SDHA: variants seen among roughly 807,000 people sequenced by gnomAD.
SDHA encodes the protein succinate dehydrogenase [ubiquinone] flavoprotein subunit, mitochondrial.
In SDHA, 48 loss-of-function variants were observed where a neutral mutation model predicts 78.4. That is an observed-to-expected ratio of 0.61 (90% CI 0.49 to 0.78). SDHA has a LOEUF of 0.78. Ranked by LOEUF, SDHA falls within the 30% of genes least tolerant of loss-of-function variation. The pLI is 0.00. For synonymous variants in SDHA, 326 were observed against 353.9 expected, an observed-to-expected ratio of 0.92 and a Z score of 0.88; for missense variants, 680 against 892.7, an observed-to-expected ratio of 0.76 and a Z score of 3.04.
rs140947468 is a variant in SDHA, at chr5:219,292, T to C, written c.63+874T>C. Among the ~76,000 whole-genome samples, 409 of 152,316 alleles carry C rather than the reference T, an allele frequency of 2.7e-3. 1 individual carries two copies. Among genetic ancestry groups the C allele is most frequent in the African/African-American group, 9.4e-3 (392 of 41,554 alleles). ...CCCTTGCTCTCTGAGTGTCTGAATG[T>C]GCCCTCTACGATTGCATCTTAAGAA... On this transcript the variant is annotated intron_variant, in intron 1 of 14. Coordinates refer to ENST00000264932, the MANE Select transcript of SDHA (RefSeq NM_004168.4).
At chr5:263,194 C>T in the SDHA span, among the ~76,000 whole-genome samples, 1 of 152,288 alleles carries the variant, frequency 6.6e-6, no homozygotes, top group Middle Eastern at 3.4e-3. Flanking sequence ...CCTGCCTCAG[C>T]CTCCCAGAGT....
At chr5:240,841 A>C (rs1430666596) in intron 11 of SDHA, among the ~76,000 whole-genome samples, 1 of 152,194 alleles carries the variant, frequency 6.6e-6, no homozygotes, top group East Asian at 1.9e-4. Flanking sequence ...GTGGCTGCAG[A>C]AGACATGATT....
At chr5:261,364 C>T (rs1737472683), downstream of SDHA, among the ~76,000 whole-genome samples, 1 of 39,658 alleles carries the variant, frequency 2.5e-5, no homozygotes, top group Non-Finnish European at 4.3e-5. Flanking sequence ...CCCGGCAGAG[C>T]ATTACCGTGT....
intron 6 of SDHA, 51 bp downstream of exon 6, chr5:228,384 A>G (rs1735183995): frequency 6.5e-7 from 1 of 1,548,694 alleles, no homozygotes; most frequent in African/African-American, 1.4e-5. Flanking sequence ...AATAAATTTC[A>G]TTTAGAGTTT....
intron 5 of SDHA, chr5:227,578 G>A (rs1208102129): frequency 6.0e-6 from 1 of 167,328 alleles, no homozygotes; most frequent in African/African-American, 2.4e-5. Context: ...TGGAGCAGGA[G>A]CTGTCATGTG....
At chr5:233,141 A>G (rs1735520374) in intron 7 of SDHA, among the ~76,000 whole-genome samples, 1 of 152,258 alleles carries the variant, frequency 6.6e-6, no homozygotes, top group South Asian at 2.1e-4. Flanking sequence ...ACAGTATCAT[A>G]GTGCAAAAGA....
At chr5:222,622 G>A (rs1435267529) in intron 1 of SDHA, among the ~76,000 whole-genome samples, 1 of 152,126 alleles carries the variant, frequency 6.6e-6, no homozygotes, top group Non-Finnish European at 1.5e-5. Context: ...TTACAGGCAT[G>A]AGCCACCGTG....
At chr5:240,913 T>C (rs28731093) in intron 11 of SDHA, among the ~76,000 whole-genome samples, 36,002 of 151,276 alleles carry the variant, frequency 0.24, 6,649 homozygotes, top group African/African-American at 0.52. Context: ...TTTCTTCATC[T>C]GGTCATCCGT....
At chr5:266,713 C>T in the SDHA span, among the ~76,000 whole-genome samples, 2 of 147,174 alleles carry the variant, frequency 1.4e-5, no homozygotes, top group South Asian at 4.2e-4. Context: ...CAAAGGTGAG[C>T]TGTGTCTAAG....
At chr5:233,810 G>A in intron 8 of SDHA, 165 bp downstream of exon 8, 1 of 667,352 alleles carries the variant, frequency 1.5e-6, no homozygotes. Flanking sequence ...TTTTCCTAAA[G>A]ACCTACATTT....
chr5:218,751 G>C (rs925031944), intron 1 of SDHA, among the ~76,000 whole-genome samples: 3 of 152,238 alleles, frequency 2.0e-5, no homozygotes, highest in Non-Finnish European at 4.4e-5. Context: ...TCAGTGCCTG[G>C]CAGGTGGACT....
At chr5:242,361 C>T (rs1036596943) in intron 11 of SDHA, among the ~76,000 whole-genome samples, 33 of 152,316 alleles carry the variant, frequency 2.2e-4, no homozygotes, top group African/African-American at 7.2e-4. Flanking sequence ...CCGCTTAAGG[C>T]ATTCTTAAAC....
At position 236,463 on chromosome 5, in the gene SDHA, G is replaced by A. The variant is rs1223308548; in HGVS notation, c.1296G>A (p.Val432=). Residue 432 remains valine, a synonymous_variant, in exon 10 of 15, where the codon GTG becomes GTA. Coordinates refer to ENST00000264932, the MANE Select transcript of SDHA (RefSeq NM_004168.4). ...LRHVNGQDQI[V]PGLYACGEAA... The stretch of plus-strand genomic sequence containing the variant: ...ACGTGAATGGCCAGGATCAGATTGT[G>A]CCCGGCCTGTACGCCTGTGGGGAGG... 2 of 1,613,926 alleles carry A rather than the reference G, an allele frequency of 1.2e-6. No individual in the cohort carries two copies. The highest frequency in any genetic ancestry group is 1.7e-5 in the Admixed American group (1 of 60,018).
intron 3 of SDHA, among the ~76,000 whole-genome samples, chr5:225,108 G>C (rs942157686): frequency 9.2e-5 from 14 of 152,316 alleles, no homozygotes; most frequent in African/African-American, 3.4e-4. Flanking sequence ...GTGCCAGATA[G>C]GTTAGGTTAT....
intron 7 of SDHA, among the ~76,000 whole-genome samples, chr5:232,882 G>A (rs1334061976): frequency 6.6e-6 from 1 of 152,278 alleles, no homozygotes; most frequent in African/African-American, 2.4e-5. Context: ...CCCAGGTTTG[G>A]GTTTGAGCTC....
Position 251,105 on chromosome 5 carries a change from T to C in SDHA, c.1663+2T>C, listed in dbSNP as rs1736796987. The C allele has an allele frequency of 6.2e-7, 1 of 1,611,324 alleles. No individual in the cohort carries two copies. The highest frequency in any genetic ancestry group is 8.5e-7 in the Non-Finnish European group (1 of 1,179,356). On this transcript the variant is annotated splice_donor_variant, in intron 12 of 14. Coordinates refer to ENST00000264932, the MANE Select transcript of SDHA (RefSeq NM_004168.4). LOFTEE classifies it high-confidence loss of function. ...AGCACCTGAAGACGTTCGACCGGGG[T>C]GAGCAGACAGTGGGCTCTGTGCACA...
intron 5 of SDHA, 189 bp from the exon 6 acceptor site, chr5:227,996 T>C: frequency 1.6e-6 from 1 of 617,228 alleles, no homozygotes. Context: ...CACACCTGCC[T>C]TGTCTGTACT....
chr5:244,229 G>A (rs1328909626), intron 11 of SDHA, among the ~76,000 whole-genome samples: 1 of 151,568 alleles, frequency 6.6e-6, no homozygotes, highest in Non-Finnish European at 1.5e-5. Flanking sequence ...GTAGCTGTGA[G>A]TCTTCTGCTT....
At chr5:242,612 G>A (rs1159368786) in intron 11 of SDHA, among the ~76,000 whole-genome samples, 1 of 152,106 alleles carries the variant, frequency 6.6e-6, no homozygotes, top group Non-Finnish European at 1.5e-5. Flanking sequence ...TTCCTCTAGC[G>A]CCGCTGGGTT....
Sources: gnomAD v4.1 joint callset for allele counts (sites outside exome capture counted in the v4.1 genomes callset) on GRCh38, gnomAD v4.1.1 for gene constraint, MANE v1.5 for transcripts, NCBI Gene and HGNC (gene_info 2026-07-23, HGNC 2026-07-21) for gene names.